DLC1: variants seen among roughly 807,000 people sequenced by gnomAD.
DLC1 encodes DLC1 Rho GTPase activating protein, also known as rho GTPase-activating protein 7.
A neutral mutation model predicts 140.3 loss-of-function variants in DLC1; 54 were observed. The observed-to-expected ratio is 0.38, with a 90% CI of 0.31 to 0.48. DLC1 has a LOEUF of 0.48. DLC1 is among the 20% of genes least tolerant of loss of function. DLC1 has a pLI of 0.96. For missense variants in DLC1, 2,536 were observed against 1,907.0 expected (o/e 1.33, Z -6.14); for synonymous variants, 986 against 728.1 (o/e 1.35, Z -5.70).
At chr8:13,249,425 G>A (rs891453838) in intron 5 of DLC1, among the ~76,000 whole-genome samples, 1 of 152,066 alleles carries the variant, frequency 6.6e-6, no homozygotes, top group Non-Finnish European at 1.5e-5. Flanking sequence ...TGCATTAAGA[G>A]AGTTGAGACT....
chr8:13,327,171 C>T (rs1322706213), intron 4 of DLC1, among the ~76,000 whole-genome samples: 31 of 110,726 alleles, frequency 2.8e-4, no homozygotes, highest in Non-Finnish European at 3.6e-4. Context: ...GACGGGGTTT[C>T]CCCATGTTAG....
chr8:13,221,098 A>G (rs1373033754), intron 5 of DLC1, among the ~76,000 whole-genome samples: 2 of 152,218 alleles, frequency 1.3e-5, no homozygotes, highest in African/African-American at 4.8e-5. Context: ...GTTTTTAGCC[A>G]CTTTCAACTC....
At position 13,522,158 on chromosome 8, in the gene DLC1, G is replaced by T. The variant is rs79217369; in HGVS notation, c.-125-21962C>A. Among the ~76,000 whole-genome samples, 811 of 152,236 alleles carry T rather than the reference G, an allele frequency of 5.3e-3. 6 individuals are homozygous for T. The highest frequency in any genetic ancestry group is 8.3e-3 in the Non-Finnish European group (562 of 68,016). On this transcript the variant is annotated intron_variant, in intron 1 of 1. Transcript: ENST00000631382. Reference sequence around the variant, plus strand: ...AATGTTTCCTGGTACTGCGCAGTGGGGTATGGCATCAGGAGCTGCTGAGAA... The same window carrying T: ...AATGTTTCCTGGTACTGCGCAGTGGTGTATGGCATCAGGAGCTGCTGAGAA...
intron 1 of DLC1, among the ~76,000 whole-genome samples, chr8:13,587,549 A>G (rs1805368033): frequency 6.9e-6 from 1 of 144,498 alleles, no homozygotes; most frequent in Admixed American, 7.2e-5. Flanking sequence ...GACTATACAC[A>G]CACACACACA....
At chr8:13,513,204 G>C (rs1802454479) in intron 1 of DLC1, among the ~76,000 whole-genome samples, 1 of 151,992 alleles carries the variant, frequency 6.6e-6, no homozygotes, top group Admixed American at 6.6e-5. Context: ...GCTTCTTGTA[G>C]ACAACCTCAA....
At chr8:13,167,359 G>C (rs1268400113) in intron 5 of DLC1, among the ~76,000 whole-genome samples, 7 of 151,770 alleles carry the variant, frequency 4.6e-5, no homozygotes, top group Non-Finnish European at 7.4e-5. Context: ...GGACTCTTTA[G>C]TAAGCGACTC....
chr8:13,116,568 T>C (rs1367326370), intron 5 of DLC1, among the ~76,000 whole-genome samples: 3 of 152,232 alleles, frequency 2.0e-5, no homozygotes, highest in Non-Finnish European at 4.4e-5. Context: ...TATGCCAGAT[T>C]CAAATCTTCA....
chr8:13,295,294 A>T (rs1440242328), intron 5 of DLC1, among the ~76,000 whole-genome samples: 1 of 152,256 alleles, frequency 6.6e-6, no homozygotes, highest in Non-Finnish European at 1.5e-5. Context: ...AATTTTAAAA[A>T]CAAATATAAT....
chr8:13,592,648 G>A (rs1313528928), intron 1 of DLC1, among the ~76,000 whole-genome samples: 1 of 152,018 alleles, frequency 6.6e-6, no homozygotes, highest in African/African-American at 2.4e-5. Flanking sequence ...TCTGGGGCCT[G>A]CCAAGGTTTC....
intron 4 of DLC1, among the ~76,000 whole-genome samples, chr8:13,334,443 T>A (rs968684358): frequency 3.3e-5 from 5 of 152,008 alleles, no homozygotes; most frequent in African/African-American, 7.3e-5. Context: ...AAGAAGAGTA[T>A]CATAAGTGGA....
chr8:13,289,429 T>A (rs57368016), intron 5 of DLC1, among the ~76,000 whole-genome samples: 6 of 152,068 alleles, frequency 3.9e-5, no homozygotes, highest in African/African-American at 1.2e-4. Flanking sequence ...TGGCCTCAAG[T>A]GATCCTCCTA....
chr8:13,553,226 A>G (rs59621010), intron 1 of DLC1, among the ~76,000 whole-genome samples: 3,346 of 52,292 alleles, frequency 0.064, 122 homozygotes, highest in African/African-American at 0.2. Context: ...ATATATATAT[A>G]TGTATATATA....
chr8:13,350,274 C>T (rs1316384649), intron 4 of DLC1, among the ~76,000 whole-genome samples: 1 of 152,082 alleles, frequency 6.6e-6, no homozygotes, highest in African/African-American at 2.4e-5. Flanking sequence ...TATCATTTAG[C>T]GTTCTTCCAT....
chr8:13,368,808 A>T (rs1835605518), intron 4 of DLC1, among the ~76,000 whole-genome samples: 1 of 152,124 alleles, frequency 6.6e-6, no homozygotes, highest in Non-Finnish European at 1.5e-5. Flanking sequence ...CTTCCTGCTC[A>T]GTCCATCTCT....
chr8:13,371,675 G>T (rs1835736363), intron 4 of DLC1, among the ~76,000 whole-genome samples: 1 of 151,540 alleles, frequency 6.6e-6, no homozygotes, highest in Admixed American at 6.6e-5. Context: ...TATTTTTTGA[G>T]CACCCATTGT....
At chr8:13,509,156 C>A (rs551974712) in intron 1 of DLC1, among the ~76,000 whole-genome samples, 2 of 152,120 alleles carry the variant, frequency 1.3e-5, no homozygotes, top group East Asian at 1.9e-4. Context: ...TGGTGAGATG[C>A]GGTTTTGCTT....
chr8:13,446,562 A>G, intron 2 of DLC1, among the ~76,000 whole-genome samples: 1 of 143,196 alleles, frequency 7.0e-6, no homozygotes, highest in East Asian at 1.9e-4. Context: ...AAGAAAAAAG[A>G]AGGAAAGGAA....
chr8:13,371,467 G>T (rs1025869497), intron 4 of DLC1, among the ~76,000 whole-genome samples: 1 of 152,076 alleles, frequency 6.6e-6, no homozygotes, highest in Non-Finnish European at 1.5e-5. Flanking sequence ...ATTCTAACCA[G>T]CCTCTGCTCC....
chr8:13,382,104 G>C (rs1049907445), intron 4 of DLC1, among the ~76,000 whole-genome samples: 2 of 152,126 alleles, frequency 1.3e-5, no homozygotes, highest in African/African-American at 4.8e-5. Flanking sequence ...ATATTGTTGT[G>C]TGTGGTAATG....
Sources: gnomAD v4.1 joint callset for allele counts (sites outside exome capture counted in the v4.1 genomes callset) on GRCh38, gnomAD v4.1.1 for gene constraint, MANE v1.5 for transcripts, NCBI Gene and HGNC (gene_info 2026-07-23, HGNC 2026-07-21) for gene names.